AOPEP: variants seen among roughly 807,000 people sequenced by gnomAD.
The protein encoded by AOPEP is aminopeptidase O (putative).
Under a neutral mutation model 98.1 loss-of-function variants are expected in AOPEP, and 77 were observed. That is an observed-to-expected ratio of 0.78 (90% confidence interval 0.65 to 0.95). AOPEP has a LOEUF of 0.95. Ranked by LOEUF, AOPEP falls within the 40% of genes least tolerant of loss-of-function variation. AOPEP has a pLI of 0.00. For missense variants in AOPEP, 1,024 were observed against 1,024.7 expected (o/e 1.00, Z 0.01); for synonymous variants, 346 against 365.3 (o/e 0.95, Z 0.60).
intron 13 of AOPEP, among the ~76,000 whole-genome samples, chr9:95,057,163 TG>T (rs940666879): frequency 1.3e-5 from 2 of 152,242 alleles, no homozygotes; most frequent in African/African-American, 4.8e-5. Context: ...TGGTGATGCT[TG>T]GAGGTAAGGT....
At chr9:94,845,428 G>A (rs1224452571) in intron 5 of AOPEP, among the ~76,000 whole-genome samples, 1 of 152,184 alleles carries the variant, frequency 6.6e-6, no homozygotes, top group African/African-American at 2.4e-5. Flanking sequence ...GCAATTGTGG[G>A]GAGCCATTTG....
At chr9:94,747,517 C>A (rs529360921) in intron 1 of AOPEP, among the ~76,000 whole-genome samples, 1 of 151,794 alleles carries the variant, frequency 6.6e-6, no homozygotes, top group African/African-American at 2.4e-5. Flanking sequence ...ATTTTTACTT[C>A]GAGTAAAAGA....
intron 14 of AOPEP, among the ~76,000 whole-genome samples, chr9:95,071,700 T>C (rs2068527278): frequency 6.6e-6 from 1 of 152,164 alleles, no homozygotes; most frequent in Non-Finnish European, 1.5e-5. Context: ...TAAGAGCTCA[T>C]CTGCTCTGTC....
intron 7 of AOPEP, among the ~76,000 whole-genome samples, chr9:94,943,930 A>C (rs985344110): frequency 8.1e-5 from 12 of 147,830 alleles, no homozygotes; most frequent in Admixed American, 3.3e-4. Flanking sequence ...AAAAAAAAAA[A>C]AAAAAAAAAA....
At chr9:94,942,088 A>T (rs2057072284) in intron 7 of AOPEP, among the ~76,000 whole-genome samples, 1 of 152,234 alleles carries the variant, frequency 6.6e-6, no homozygotes, top group South Asian at 2.1e-4. Context: ...TTATAATGCT[A>T]TTTGACTATA....
intron 5 of AOPEP, among the ~76,000 whole-genome samples, chr9:94,828,797 A>G (rs532442283): frequency 6.6e-6 from 1 of 151,416 alleles, no homozygotes; most frequent in Non-Finnish European, 1.5e-5. Context: ...TATATAATAA[A>G]CACATTATTT....
intron 11 of AOPEP, among the ~76,000 whole-genome samples, chr9:94,998,606 A>G (rs1278633384): frequency 2.6e-5 from 4 of 152,200 alleles, no homozygotes; most frequent in African/African-American, 9.6e-5. Context: ...GAACTTTATG[A>G]GGAAGGAGGC....
intron 5 of AOPEP, among the ~76,000 whole-genome samples, chr9:94,832,770 T>G (rs546435558): frequency 2.8e-4 from 42 of 151,900 alleles, no homozygotes; most frequent in African/African-American, 9.9e-4. Flanking sequence ...TTATTCAATA[T>G]GTTAAATGTC....
At chr9:94,906,441 T>A (rs1170062305) in intron 5 of AOPEP, among the ~76,000 whole-genome samples, 1 of 111,630 alleles carries the variant, frequency 9.0e-6, no homozygotes, top group Non-Finnish European at 2.0e-5. Flanking sequence ...TGTGACAGAG[T>A]GAGACCCTGT....
the AOPEP span, among the ~76,000 whole-genome samples, chr9:95,097,769 G>T: frequency 6.6e-6 from 1 of 152,170 alleles, no homozygotes; most frequent in African/African-American, 2.4e-5. Flanking sequence ...TTACCAGTTT[G>T]GGCTTGAGGG....
chr9:94,756,613 A>G (rs912719610), intron 1 of AOPEP, among the ~76,000 whole-genome samples: 1 of 151,970 alleles, frequency 6.6e-6, no homozygotes, highest in African/African-American at 2.4e-5. Context: ...GTGTTGAGAG[A>G]ACACTTCTTC....
At chr9:94,746,421 A>G (rs887918026) in intron 1 of AOPEP, among the ~76,000 whole-genome samples, 4 of 152,176 alleles carry the variant, frequency 2.6e-5, no homozygotes, top group Non-Finnish European at 4.4e-5. Context: ...TCAGTCCCCT[A>G]GGCAGGTATA....
intron 1 of AOPEP, among the ~76,000 whole-genome samples, chr9:94,733,749 A>G (rs907978681): frequency 6.6e-6 from 1 of 152,204 alleles, no homozygotes; most frequent in Admixed American, 6.5e-5. Flanking sequence ...AGATCTAAAG[A>G]TATTTAAGCT....
chr9:94,980,790 C>T lies in AOPEP; in HGVS notation c.1977+1363C>T, dbSNP rs964184069. ...GTGTGACAATGAGGGCCCGTGAGCTCTGAGACGGTGACTTCCAAACCAGAC... is the reference window on the plus strand; with the variant it reads ...GTGTGACAATGAGGGCCCGTGAGCTTTGAGACGGTGACTTCCAAACCAGAC... On this transcript the variant is annotated intron_variant, in intron 11 of 16. Coordinates refer to ENST00000375315, the MANE Select transcript of AOPEP (RefSeq NM_001193329.3). The surrounding 1 kb of genome is among the most constrained non-coding windows in gnomAD (Gnocchi z 4.3). Among the ~76,000 whole-genome samples, 1 of 152,228 alleles carries T rather than the reference C, an allele frequency of 6.6e-6. No individual in the cohort carries two copies. The highest frequency in any genetic ancestry group is 1.5e-5 in the Non-Finnish European group (1 of 68,046).
chr9:95,082,280 C>A (rs755554501), intron 15 of AOPEP, among the ~76,000 whole-genome samples: 32 of 152,272 alleles, frequency 2.1e-4, no homozygotes, highest in Admixed American at 3.3e-4. Flanking sequence ...GTTCCTGACA[C>A]GGCCATCATG....
chr9:94,945,075 C>A (rs931465945), intron 7 of AOPEP, among the ~76,000 whole-genome samples: 1 of 152,108 alleles, frequency 6.6e-6, no homozygotes, highest in East Asian at 1.9e-4. Flanking sequence ...ATGAGACCCA[C>A]GGGGCCATTT....
At chr9:94,823,020 G>A (rs137929432) in intron 5 of AOPEP, among the ~76,000 whole-genome samples, 5,729 of 151,276 alleles carry the variant, frequency 0.038, 346 homozygotes, top group African/African-American at 0.13. Flanking sequence ...TTGTGAGATG[G>A]AGTTTCGCTC....
At chr9:95,094,055 C>A in the AOPEP span, among the ~76,000 whole-genome samples, 1 of 152,172 alleles carries the variant, frequency 6.6e-6, no homozygotes, top group South Asian at 2.1e-4. Flanking sequence ...CTCTCTCCCC[C>A]ACCCCTTTCT....
At chr9:94,943,597 TA>T (rs1183754020) in intron 7 of AOPEP, among the ~76,000 whole-genome samples, 1,158 of 69,044 alleles carry the variant, frequency 0.017, 6 homozygotes, top group Non-Finnish European at 0.025. Context: ...CCATCTCAAA[TA>T]AAAAAAAAAA....
Sources: allele counts gnomAD v4.1 joint callset (sites outside exome capture counted in the v4.1 genomes callset), GRCh38; gene constraint gnomAD v4.1.1; non-coding constraint Gnocchi (gnomAD v3.1); transcripts MANE v1.5; gene names NCBI Gene and HGNC (gene_info 2026-07-23, HGNC 2026-07-21).